The following MTCL2 variants were observed in gnomAD, a reference collection of about 807,000 sequenced individuals.
MTCL2 encodes microtubule cross-linking factor 2.
At chr20:36,862,359 C>T in the MTCL2 span, among the ~76,000 whole-genome samples, 1 of 152,208 alleles carries the variant, frequency 6.6e-6, no homozygotes, top group African/African-American at 2.4e-5. Context: ...CCTGGCTACC[C>T]ACCCCCACCT....
chr20:36,813,313 T>TTAAAA, the MTCL2 span, among the ~76,000 whole-genome samples: 1 of 41,900 alleles, frequency 2.4e-5, no homozygotes, highest in East Asian at 9.4e-4. Flanking sequence ...ACTGTTTCTT[T>TTAAAA]AAAAAAAAAA....
the MTCL2 span, among the ~76,000 whole-genome samples, chr20:36,830,295 G>A: frequency 1.3e-5 from 2 of 152,204 alleles, no homozygotes; most frequent in South Asian, 2.1e-4. Context: ...GGCTGGACAC[G>A]GTAGCTCACA....
At chr20:36,836,295 C>T in the MTCL2 span, among the ~76,000 whole-genome samples, 27 of 151,838 alleles carry the variant, frequency 1.8e-4, no homozygotes, top group African/African-American at 6.1e-4. Flanking sequence ...TGGCCTTGGC[C>T]TCCCATATAG....
chr20:36,862,573 A>T, the MTCL2 span: 1 of 1,292,716 alleles, frequency 7.7e-7, no homozygotes, highest in South Asian at 1.7e-5. Context: ...TTCAGTGGGA[A>T]GGAGGGCCGG....
the MTCL2 span, among the ~76,000 whole-genome samples, chr20:36,845,841 TG>T: frequency 3.3e-5 from 5 of 150,300 alleles, no homozygotes; most frequent in African/African-American, 1.2e-4. Flanking sequence ...GAGCTGGGGG[TG>T]GGGGGCCCTG....
At chr20:36,794,419 G>A in the MTCL2 span, 7 of 1,613,986 alleles carry the variant, frequency 4.3e-6, no homozygotes, top group Non-Finnish European at 5.1e-6. This position sits in a 1 kb window ranked among gnomAD's most constrained non-coding sequence, Gnocchi z 5.4. Context: ...GGTGGTTGCA[G>A]TCCCTCGACG....
chr20:36,810,030 C>T, the MTCL2 span: 2 of 1,600,702 alleles, frequency 1.2e-6, no homozygotes. Context: ...TTCGTAGCTG[C>T]CGCTCCTGGG....
the MTCL2 span, chr20:36,839,081 A>T: frequency 1.4e-6 from 1 of 730,286 alleles, no homozygotes; most frequent in African/African-American, 1.8e-5. This position sits in a 1 kb window ranked among gnomAD's most constrained non-coding sequence, Gnocchi z 5.1. Flanking sequence ...ATTCCTACTT[A>T]GATGAGGAAA....
the MTCL2 span, chr20:36,816,159 C>G: frequency 6.2e-7 from 1 of 1,613,826 alleles, no homozygotes; most frequent in Non-Finnish European, 8.5e-7. Context: ...TGACAGCGCG[C>G]TGTCCAGGTC....
chr20:36,829,513 CTTTT>C, the MTCL2 span, among the ~76,000 whole-genome samples: 4 of 106,520 alleles, frequency 3.8e-5, no homozygotes, highest in Non-Finnish European at 5.6e-5. Context: ...TTACCTGAGG[CTTTT>C]TTTTTTTTTT....
chr20:36,793,932 G>A, the MTCL2 span: 122 of 1,551,378 alleles, frequency 7.9e-5, no homozygotes, highest in Non-Finnish European at 1.0e-4. This position sits in a 1 kb window ranked among gnomAD's most constrained non-coding sequence, Gnocchi z 6.8. Context: ...CTGACCGTGC[G>A]GATGGTCTGT....
chr20:36,816,191 C>T, the MTCL2 span: 5,349 of 1,613,624 alleles, frequency 3.3e-3, 166 homozygotes, highest in African/African-American at 0.064. Context: ...AGCGGTACTT[C>T]AGCAGCTCCT....
the MTCL2 span, chr20:36,863,143 A>G: frequency 7.2e-7 from 1 of 1,391,576 alleles, no homozygotes; most frequent in Non-Finnish European, 9.4e-7. The surrounding 1 kb of genome is among the most constrained non-coding windows in gnomAD (Gnocchi z 6.2). Context: ...TCCGGCCGTG[A>G]GGAGAACGCG....
the MTCL2 span, chr20:36,816,209 G>A: frequency 1.2e-6 from 2 of 1,613,502 alleles, no homozygotes; most frequent in Non-Finnish European, 8.5e-7. Context: ...CCTCCTTCAT[G>A]CTGTCATTCT....
the MTCL2 span, among the ~76,000 whole-genome samples, chr20:36,852,833 G>C: frequency 6.6e-6 from 1 of 152,060 alleles, no homozygotes; most frequent in Non-Finnish European, 1.5e-5. Flanking sequence ...GAGGCGGGTG[G>C]ATCACCTGAG....
the MTCL2 span, among the ~76,000 whole-genome samples, chr20:36,813,374 CG>C: frequency 1.6e-5 from 2 of 128,472 alleles, no homozygotes; most frequent in African/African-American, 6.2e-5. Flanking sequence ...AAGATGAAAC[CG>C]GATCAACAGG....
At chr20:36,793,746 T>A in the MTCL2 span, 1 of 1,542,146 alleles carries the variant, frequency 6.5e-7, no homozygotes, top group Non-Finnish European at 8.7e-7. This position sits in a 1 kb window ranked among gnomAD's most constrained non-coding sequence, Gnocchi z 6.8. Flanking sequence ...ACAGACCGCC[T>A]CTGGAGCTTT....
the MTCL2 span, among the ~76,000 whole-genome samples, chr20:36,797,772 C>T: frequency 6.6e-6 from 1 of 152,228 alleles, no homozygotes; most frequent in Non-Finnish European, 1.5e-5. Flanking sequence ...ATAAAAGGAA[C>T]TACTTGCAGG....
the MTCL2 span, among the ~76,000 whole-genome samples, chr20:36,835,509 T>C: frequency 6.6e-6 from 1 of 152,096 alleles, no homozygotes; most frequent in African/African-American, 2.4e-5. Context: ...GCAGAGCAAG[T>C]TGGGGAAGTC....
Sources: gnomAD v4.1 joint callset for allele counts (sites outside exome capture counted in the v4.1 genomes callset) on GRCh38, gnomAD v4.1.1 for gene constraint, Gnocchi (gnomAD v3.1) non-coding constraint, MANE v1.5 for transcripts, NCBI Gene and HGNC (gene_info 2026-07-23, HGNC 2026-07-21) for gene names.